The following CSMD3 variants were observed in gnomAD, a reference collection of about 807,000 sequenced individuals.
CSMD3 encodes the protein CUB and sushi domain-containing protein 3.
In CSMD3, 177 loss-of-function variants were observed where a neutral mutation model predicts 435.2. The observed-to-expected ratio is 0.41, with a 90% CI of 0.36 to 0.46. CSMD3 has a LOEUF of 0.46. Ranked by LOEUF, CSMD3 falls within the 20% of genes least tolerant of loss-of-function variation. The probability of loss-of-function intolerance (pLI) is 0.34; values close to 1 mark genes in which losing one functional copy is unlikely to be tolerated. For missense variants in CSMD3, 4,265 were observed against 4,504.6 expected (o/e 0.95, Z 1.52); for synonymous variants, 1,656 against 1,520.5 (o/e 1.09, Z -2.07).
intron 22 of CSMD3, among the ~76,000 whole-genome samples, chr8:112,629,506 A>T (rs1269235080): frequency 6.6e-6 from 1 of 152,214 alleles, no homozygotes; most frequent in African/African-American, 2.4e-5. Flanking sequence ...TGCATGCACT[A>T]GACCTCAATA....
chr8:113,371,251 T>G (rs1016277465), intron 1 of CSMD3, among the ~76,000 whole-genome samples: 6 of 152,148 alleles, frequency 3.9e-5, no homozygotes, highest in Admixed American at 3.9e-4. Flanking sequence ...ATTCTATTAT[T>G]TCTAAATATT....
intron 13 of CSMD3, among the ~76,000 whole-genome samples, chr8:112,744,334 G>A (rs61498012): frequency 0.33 from 50,499 of 151,774 alleles, 9,257 homozygotes; most frequent in African/African-American, 0.5. Flanking sequence ...GCCATTTCTG[G>A]ATGTAACAGT....
chr8:112,772,510 T>A (rs1484249636), intron 13 of CSMD3, among the ~76,000 whole-genome samples: 1 of 152,072 alleles, frequency 6.6e-6, no homozygotes, highest in African/African-American at 2.4e-5. Flanking sequence ...CCAGGTATTG[T>A]CCAAGGTTTC....
chr8:113,352,426 C>A (rs1456377171), intron 1 of CSMD3, among the ~76,000 whole-genome samples: 1 of 152,058 alleles, frequency 6.6e-6, no homozygotes, highest in South Asian at 2.1e-4. Flanking sequence ...AGAAGGAGCA[C>A]GCCCTTGCTA....
At chr8:113,177,115 A>G (rs1250241378) in intron 3 of CSMD3, among the ~76,000 whole-genome samples, 1 of 151,806 alleles carries the variant, frequency 6.6e-6, no homozygotes, top group Non-Finnish European at 1.5e-5. Context: ...ATAAGTGAAG[A>G]ACTTTTTTGT....
chr8:112,337,402 C>T (rs1824677968), intron 43 of CSMD3, 141 bp downstream of exon 43: 2 of 719,968 alleles, frequency 2.8e-6, no homozygotes, highest in East Asian at 5.4e-5. Context: ...ATTATAGAGC[C>T]TTAGGGGTTT....
At chr8:112,800,381 A>C in intron 12 of CSMD3, 107 bp from the exon 13 acceptor site, 1 of 797,802 alleles carries the variant, frequency 1.3e-6, no homozygotes, top group Non-Finnish European at 2.2e-6. Context: ...TAGAAAAAAA[A>C]GTCAGATAAA....
chr8:113,341,486 C>G (rs1238729023), intron 1 of CSMD3, among the ~76,000 whole-genome samples: 1 of 152,058 alleles, frequency 6.6e-6, no homozygotes, highest in Non-Finnish European at 1.5e-5. Flanking sequence ...ACACACTGTA[C>G]TAGACATTAG....
intron 5 of CSMD3, among the ~76,000 whole-genome samples, chr8:113,066,807 A>AC (rs1267602439): frequency 2.0e-5 from 3 of 149,612 alleles, no homozygotes; most frequent in African/African-American, 7.3e-5. Flanking sequence ...AAGTAGAGCT[A>AC]GAAAAAAAAC....
rs116812178 is a variant in CSMD3, at chr8:112,558,310, C to G, written c.4043-1356G>C. Among the ~76,000 whole-genome samples the G allele has an allele frequency of 6.7e-3, 1,015 of 151,958 alleles. 13 individuals are homozygous for G. The highest frequency in any genetic ancestry group is 0.023 in the African/African-American group (964 of 41,514). On this transcript the variant is annotated intron_variant, in intron 24 of 70. Coordinates refer to ENST00000297405, the MANE Select transcript of CSMD3 (RefSeq NM_198123.2). ...TCCTTCTCCCTTGAAAACCCTCATT[C>G]CATAGGGGTCCTGCCCCATACCCTG...
At chr8:113,205,763 A>G (rs1313987299) in intron 3 of CSMD3, among the ~76,000 whole-genome samples, 2 of 152,212 alleles carry the variant, frequency 1.3e-5, no homozygotes, top group Non-Finnish European at 2.9e-5. Context: ...AGATGAAACA[A>G]CTACATACAT....
chr8:112,637,069 A>G (rs943321858), intron 21 of CSMD3, 64 bp from the exon 22 acceptor site: 1 of 1,277,210 alleles, frequency 7.8e-7, no homozygotes, highest in Non-Finnish European at 1.1e-6. Context: ...GATAGTGGTT[A>G]CTTTTAAAGG....
At chr8:113,009,029 A>G (rs1176366698) in intron 6 of CSMD3, among the ~76,000 whole-genome samples, 3 of 151,574 alleles carry the variant, frequency 2.0e-5, no homozygotes, top group South Asian at 2.1e-4. Flanking sequence ...TTTTTGCCAT[A>G]TTGCTTACAT....
intron 12 of CSMD3, among the ~76,000 whole-genome samples, chr8:112,800,844 G>A (rs1479289235): frequency 6.6e-6 from 1 of 151,938 alleles, no homozygotes; most frequent in Non-Finnish European, 1.5e-5. Flanking sequence ...ATCTGATGCA[G>A]CATAACTGTA....
At chr8:112,975,799 T>G (rs1426916433) in intron 7 of CSMD3, 38 bp downstream of exon 7, 3 of 1,611,538 alleles carry the variant, frequency 1.9e-6, no homozygotes, top group Non-Finnish European at 2.5e-6. Flanking sequence ...TAGCTTTGGC[T>G]GTAACTAAAT....
Position 113,318,786 on chromosome 8 carries a change from A to ATGTGTGTGTGTGTGTGTGTGTG in CSMD3, c.179-4015_179-3994dup, listed in dbSNP as rs56269027. On this transcript the variant is annotated intron_variant, in intron 1 of 70. Transcript: ENST00000297405. The stretch of plus-strand genomic sequence containing the variant: ...ATTTCCTCTTTTAAGGCTGAATAAG[A>ATGTGTGTGTGTGTGTGTGTGTG]TGTGTGTGTGTGTGTGTGTGTGTGT... Among the ~76,000 whole-genome samples, 695 of 140,130 alleles carry ATGTGTGTGTGTGTGTGTGTGTG rather than the reference A, an allele frequency of 5.0e-3. 5 individuals carry two copies. The highest frequency in any genetic ancestry group is 9.7e-3 in the African/African-American group (362 of 37,432). 91.9% of individuals were successfully genotyped at this position (140,130 alleles called of 152,430 possible).
At chr8:113,281,965 G>A (rs2093615878) in intron 2 of CSMD3, among the ~76,000 whole-genome samples, 1 of 151,836 alleles carries the variant, frequency 6.6e-6, no homozygotes, top group Non-Finnish European at 1.5e-5. Flanking sequence ...AAAATTCTTG[G>A]CTGATAATTG....
At chr8:112,531,236 C>G (rs917828333) in intron 27 of CSMD3, among the ~76,000 whole-genome samples, 16 of 152,120 alleles carry the variant, frequency 1.1e-4, no homozygotes, top group Non-Finnish European at 2.4e-4. Context: ...CCACTGCTCC[C>G]ATCAATTCTT....
intron 6 of CSMD3, among the ~76,000 whole-genome samples, chr8:112,999,599 C>T (rs1416304748): frequency 6.6e-6 from 1 of 151,416 alleles, no homozygotes; most frequent in Non-Finnish European, 1.5e-5. Context: ...TGTTTAATTG[C>T]TAATATAATA....
Sources: allele counts gnomAD v4.1 joint callset (sites outside exome capture counted in the v4.1 genomes callset), GRCh38; gene constraint gnomAD v4.1.1; transcripts MANE v1.5; gene names NCBI Gene and HGNC (gene_info 2026-07-23, HGNC 2026-07-21).